Variants in SEL1L3 observed in about 807,000 individuals in gnomAD.
SEL1L3 encodes protein sel-1 homolog 3.
A neutral mutation model predicts 142.8 loss-of-function variants in SEL1L3; 76 were observed. The observed-to-expected ratio is 0.53, with a 90% CI of 0.44 to 0.64. The LOEUF (loss-of-function observed/expected upper bound fraction) is 0.64, where lower values mean the gene tolerates loss of function less well. SEL1L3 is among the 30% of genes least tolerant of loss of function. The pLI is 0.00. For missense variants in SEL1L3, 1,262 were observed against 1,381.7 expected (o/e 0.91, Z 1.37); for synonymous variants, 504 against 519.6 (o/e 0.97, Z 0.41).
At chr4:25,826,865 T>C (rs1715128989) in intron 6 of SEL1L3, among the ~76,000 whole-genome samples, 2 of 152,122 alleles carry the variant, frequency 1.3e-5, no homozygotes, top group African/African-American at 4.8e-5. Context: ...GGTTTCACCA[T>C]GTTGCCCAGC....
chr4:25,753,245 G>C (rs1400740574), intron 23 of SEL1L3, among the ~76,000 whole-genome samples: 1 of 152,240 alleles, frequency 6.6e-6, no homozygotes, highest in Non-Finnish European at 1.5e-5. Context: ...GGAGCTGAAC[G>C]CAAAATGGAT....
intron 9 of SEL1L3, among the ~76,000 whole-genome samples, chr4:25,817,804 A>AT (rs1019275592): frequency 9.2e-5 from 14 of 152,030 alleles, no homozygotes; most frequent in Middle Eastern, 3.4e-3. Flanking sequence ...TAGATAACTG[A>AT]TTTTTTTTAA....
At chr4:25,825,417 G>A (rs1371108273) in intron 6 of SEL1L3, among the ~76,000 whole-genome samples, 3 of 152,256 alleles carry the variant, frequency 2.0e-5, no homozygotes, top group South Asian at 2.1e-4. Context: ...TTGAAAACCC[G>A]AGACATGCTG....
intron 13 of SEL1L3, among the ~76,000 whole-genome samples, chr4:25,785,841 A>G (rs1039293153): frequency 6.6e-6 from 1 of 152,062 alleles, no homozygotes; most frequent in Non-Finnish European, 1.5e-5. Flanking sequence ...TTTTGTTTTG[A>G]AGAAATAAAA....
At chr4:25,861,333 C>T (rs754290123) in intron 1 of SEL1L3, among the ~76,000 whole-genome samples, 2 of 152,126 alleles carry the variant, frequency 1.3e-5, no homozygotes, top group African/African-American at 2.4e-5. Context: ...ATGAAGTAAG[C>T]CCAACCACAC....
chr4:25,745,802 T>C (rs1717244570), downstream of SEL1L3, among the ~76,000 whole-genome samples: 1 of 152,248 alleles, frequency 6.6e-6, no homozygotes, highest in Non-Finnish European at 1.5e-5. Flanking sequence ...TGCAAGGGTA[T>C]GCCCTTGGGC....
intron 6 of SEL1L3, among the ~76,000 whole-genome samples, chr4:25,828,282 G>A (rs939621213): frequency 1.8e-4 from 28 of 151,854 alleles, no homozygotes; most frequent in African/African-American, 6.1e-4. Flanking sequence ...ATGGACTCAA[G>A]TGAAAACAGG....
the SEL1L3 span, among the ~76,000 whole-genome samples, chr4:25,735,266 G>GGCA: frequency 2.0e-5 from 3 of 151,544 alleles, no homozygotes; most frequent in Admixed American, 6.6e-5. Flanking sequence ...GTTGTTCCTG[G>GGCA]ACTCCTAGGT....
chr4:25,849,038 C>T (rs1276064176), intron 1 of SEL1L3, among the ~76,000 whole-genome samples: 1 of 152,138 alleles, frequency 6.6e-6, no homozygotes, highest in Non-Finnish European at 1.5e-5. Context: ...CCTTGGGAGG[C>T]TGAGGCAGGA....
intron 4 of SEL1L3, 28 bp downstream of exon 4, chr4:25,833,420 C>T (rs376462053): frequency 1.3e-6 from 2 of 1,594,650 alleles, no homozygotes; most frequent in African/African-American, 2.7e-5. Context: ...ATTACAATAT[C>T]ATTTTAAAGG....
the SEL1L3 span, among the ~76,000 whole-genome samples, chr4:25,714,502 T>C: frequency 2.7e-4 from 6 of 22,398 alleles, no homozygotes; most frequent in South Asian, 1.0e-3. Context: ...TTCTTTCTTT[T>C]TCTTTCTTTC....
intron 11 of SEL1L3, among the ~76,000 whole-genome samples, chr4:25,800,200 T>C (rs1713079956): frequency 6.6e-6 from 1 of 152,234 alleles, no homozygotes; most frequent in African/African-American, 2.4e-5. Context: ...GAGGTCTGGC[T>C]TTCTCTGTCT....
chr4:25,804,533 T>C lies in SEL1L3; in HGVS notation c.1776+8A>G, dbSNP rs753706786. 151 of 1,592,264 alleles carry C rather than the reference T, an allele frequency of 9.5e-5. No homozygotes were observed. The highest frequency in any genetic ancestry group is 1.3e-4 in the Non-Finnish European group (146 of 1,163,944). ...GACTGATGTTAATGGAGCAATGAAATACTCTACCTGCAGCTGATCCCGAGG... is the reference window on the plus strand; with the variant it reads ...GACTGATGTTAATGGAGCAATGAAACACTCTACCTGCAGCTGATCCCGAGG... On this transcript the variant is annotated splice_region_variant and intron_variant, in intron 10 of 23. Coordinates refer to ENST00000399878, the MANE Select transcript of SEL1L3 (RefSeq NM_015187.5).
intron 2 of SEL1L3, among the ~76,000 whole-genome samples, chr4:25,836,364 T>C (rs1715815052): frequency 6.6e-6 from 1 of 152,138 alleles, no homozygotes. Context: ...ATACTTTTCT[T>C]GGCTGGGCGT....
At chr4:25,738,825 C>A in the SEL1L3 span, among the ~76,000 whole-genome samples, 1 of 152,158 alleles carries the variant, frequency 6.6e-6, no homozygotes, top group Admixed American at 6.5e-5. Context: ...CCTAAGTGGT[C>A]ACACTAATGC....
At chr4:25,744,176 C>A (rs1717192683), downstream of SEL1L3, among the ~76,000 whole-genome samples, 1 of 152,098 alleles carries the variant, frequency 6.6e-6, no homozygotes, top group Admixed American at 6.6e-5. Context: ...GGACCAGAGC[C>A]AGCCTCCCAT....
At chr4:25,799,309 A>C (rs1393849085) in intron 11 of SEL1L3, among the ~76,000 whole-genome samples, 1 of 152,014 alleles carries the variant, frequency 6.6e-6, no homozygotes, top group African/African-American at 2.4e-5. Flanking sequence ...TCCTGACCTC[A>C]AGTGATCTGC....
At chr4:25,742,119 AC>A in the SEL1L3 span, among the ~76,000 whole-genome samples, 1 of 152,068 alleles carries the variant, frequency 6.6e-6, no homozygotes, top group Middle Eastern at 3.4e-3. Flanking sequence ...GCCAAATCTT[AC>A]GTTTTCTATT....
At chr4:25,848,893 C>T (rs539514533) in intron 1 of SEL1L3, among the ~76,000 whole-genome samples, 2 of 152,356 alleles carry the variant, frequency 1.3e-5, no homozygotes, top group East Asian at 1.9e-4. Context: ...AATCCCATAA[C>T]TTTGGGAGGC....
Sources: allele counts gnomAD v4.1 joint callset (sites outside exome capture counted in the v4.1 genomes callset), GRCh38; gene constraint gnomAD v4.1.1; transcripts MANE v1.5; gene names NCBI Gene and HGNC (gene_info 2026-07-23, HGNC 2026-07-21).